Variants in POTEG observed in about 807,000 individuals in gnomAD.
The protein encoded by POTEG is POTE ankyrin domain family member G, also known as ANKRD26-like family C member 2.
Under a neutral mutation model 49.6 loss-of-function variants are expected in POTEG, and 2 were observed. The ratio of observed to expected loss-of-function variants is 0.04; its 90% CI spans 0.02 to 0.13. POTEG has a LOEUF of 0.13. POTEG is among the 10% of genes least tolerant of loss of function. POTEG has a pLI of 1.00. For missense variants in POTEG, 26 were observed against 545.2 expected (o/e 0.05, Z 9.48); for synonymous variants, 7 against 186.6 (o/e 0.04, Z 7.84).
At chr14:19,426,941 G>T (rs1883978046) in intron 3 of POTEG, 1 of 375,956 alleles carries the variant, frequency 2.7e-6, no homozygotes, top group African/African-American at 2.2e-5. Flanking sequence ...GCAGTGAGCT[G>T]TGATCACACC....
intron 1 of POTEG, among the ~76,000 whole-genome samples, chr14:19,432,315 T>G (rs1400401962): frequency 5.5e-4 from 44 of 80,628 alleles, no homozygotes; most frequent in African/African-American, 2.1e-3. Flanking sequence ...ACCACTGCAC[T>G]CCAGCCTGGG....
At chr14:19,415,520 G>A (rs1326915829) in intron 7 of POTEG, among the ~76,000 whole-genome samples, 80 of 148,060 alleles carry the variant, frequency 5.4e-4, no homozygotes, top group Middle Eastern at 3.5e-3. Context: ...GACCATCAGT[G>A]TTACATTGTT....
At chr14:19,416,791 ATTTAT>A (rs1883589715) in intron 6 of POTEG, among the ~76,000 whole-genome samples, 1 of 7,644 alleles carries the variant, frequency 1.3e-4, no homozygotes, top group African/African-American at 5.9e-4. Flanking sequence ...ATTCTGACAA[ATTTAT>A]TTTAATTTTT....
Position 19,432,341 on chromosome 14 carries a change from C to T in POTEG, c.521+1428G>A, listed in dbSNP as rs1246895843. On this transcript the variant is annotated intron_variant, in intron 1 of 10. Coordinates refer to ENST00000547848, the MANE Select transcript of POTEG (RefSeq NM_001005356.3). Reference sequence around the variant, plus strand: ...CCAGCCTGGGCAACAGAGTGAGACTCCATCAAAAAAAAAAAAGAAATTTTG... The same window carrying T: ...CCAGCCTGGGCAACAGAGTGAGACTTCATCAAAAAAAAAAAAGAAATTTTG... Among the ~76,000 whole-genome samples, 6 of 52,964 alleles carry T rather than the reference C, an allele frequency of 1.1e-4. No individual in the cohort carries two copies. The South Asian group carries it at 3.4e-3, about 30-fold the overall frequency. 34.7% of individuals were successfully genotyped at this position (52,964 alleles called of 152,430 possible).
At chr14:19,414,378 A>C (rs1883464030) in intron 8 of POTEG, among the ~76,000 whole-genome samples, 184 bp downstream of exon 8, 1 of 146,386 alleles carries the variant, frequency 6.8e-6, no homozygotes, top group African/African-American at 2.5e-5. Context: ...ATGAAAGAAT[A>C]TCTCTAGGGT....
intron 7 of POTEG, among the ~76,000 whole-genome samples, chr14:19,415,861 T>C (rs1883541255): frequency 1.3e-5 from 1 of 75,200 alleles, no homozygotes; most frequent in Non-Finnish European, 3.0e-5. Flanking sequence ...TTTTTTTTTT[T>C]TTGACACAGA....
At chr14:19,418,975 G>A (rs1487170169) in intron 6 of POTEG, among the ~76,000 whole-genome samples, 1 of 100,572 alleles carries the variant, frequency 9.9e-6, no homozygotes, top group Non-Finnish European at 1.9e-5. Context: ...AAAAAATTAA[G>A]CTAAACAAAT....
At chr14:19,431,284 T>C (rs1468893954) in intron 1 of POTEG, among the ~76,000 whole-genome samples, 2 of 152,402 alleles carry the variant, frequency 1.3e-5, no homozygotes, top group African/African-American at 4.8e-5. Flanking sequence ...CATATCTCTA[T>C]GTACTGACAC....
At position 19,424,620 on chromosome 14, in the gene POTEG, C is replaced by T. The variant is rs1347630755; in HGVS notation, c.918-318G>A. 6.5e-5 allele frequency: 6 copies of T among 91,938 alleles called. 1 individual carries two copies. The highest frequency in any genetic ancestry group is 6.4e-4 in the Admixed American group (5 of 7,752). The allele number at this position is 91,938 out of a possible 1,614,324, so 5.7% of individuals were successfully genotyped here. A position where few individuals can be genotyped will look rare whatever the true frequency, so the allele number is the denominator to read the frequency against. ...AAAGATTTAAGTGAAGATTTCATCA[C>T]AGCTTCCCTAGACTGATATGCTGTA... On this transcript the variant is annotated intron_variant, in intron 4 of 10. Transcript: ENST00000547848.
At chr14:19,423,268 C>CACCCCTCTGACCCTTTGGA (rs1883808441) in intron 5 of POTEG, 2 of 32,118 alleles carry the variant, frequency 6.2e-5, no homozygotes, top group Admixed American at 3.3e-4. Flanking sequence ...CTCTTTCTGC[C>CACCCCTCTGACCCTTTGGA]ACCCCTCTGA....
chr14:19,414,244 T>A (rs202119430), intron 8 of POTEG, among the ~76,000 whole-genome samples: 8,860 of 126,738 alleles, frequency 0.07, 13 homozygotes, highest in East Asian at 0.12. Flanking sequence ...AAAAATTATC[T>A]ACTTTAGCCA....
intron 7 of POTEG, among the ~76,000 whole-genome samples, chr14:19,415,936 C>A (rs1225012108): frequency 6.9e-6 from 1 of 144,764 alleles, no homozygotes; most frequent in Non-Finnish European, 1.5e-5. Flanking sequence ...GCTCCACCCC[C>A]CAGGTTCATG....
chr14:19,416,307 C>A lies in POTEG; in HGVS notation c.1178G>T (p.Ser393Ile), dbSNP rs1284110487. The change falls in exon 7 of 11, where the codon AGT becomes ATT. Residue 393 changes from serine to isoleucine, a missense_variant. Ser to Ile is a moderately radical substitution (Grantham distance 142). Coordinates refer to ENST00000547848, the MANE Select transcript of POTEG (RefSeq NM_001005356.3). The stretch of plus-strand genomic sequence containing the variant: ...CCATGCCTCTGGCTGGCTATTTTCA[C>A]TTCCTTTAAGCCTTTGTGACTCTTC... The part of the protein sequence containing the change: ...SEEESQRLKG[S>I]ENSQPEEMSQ... 1 of 1,545,402 alleles carries A rather than the reference C, an allele frequency of 6.5e-7. No individual in the cohort carries two copies. The highest frequency in any genetic ancestry group is 1.2e-5 in the South Asian group (1 of 80,702).
At chr14:19,415,296 A>C (rs1161179429) in intron 7 of POTEG, among the ~76,000 whole-genome samples, 2 of 142,342 alleles carry the variant, frequency 1.4e-5, no homozygotes, top group African/African-American at 5.0e-5. Flanking sequence ...TTAGAATGTT[A>C]TTGTGTTTGT....
At chr14:19,414,943 A>G (rs1883492361) in intron 7 of POTEG, among the ~76,000 whole-genome samples, 1 of 135,758 alleles carries the variant, frequency 7.4e-6, no homozygotes, top group African/African-American at 2.6e-5. Context: ...AAATCTACCA[A>G]AAATGAATCA....
At position 19,428,646 on chromosome 14, in the gene POTEG, C is replaced by A. The variant is rs1884039835; in HGVS notation, c.706G>T (p.Asp236Tyr). ...TGTAGAGCGGTATTTCCATACTCAT[C>A]TGGAATATTCGGATCAGTGCCATGT... ...LEHGTDPNIP[D>Y]EYGNTALHYA... Residue 236 changes from aspartate to tyrosine, a missense_variant, in exon 3 of 11, where the codon GAT becomes TAT. Transcript: ENST00000547848. 7 of 1,306,416 alleles carry A rather than the reference C, an allele frequency of 5.4e-6. 2 individuals carry two copies. The highest frequency in any genetic ancestry group is 7.2e-6 in the Non-Finnish European group (7 of 977,220). 80.9% of individuals were successfully genotyped at this position (1,306,416 alleles called of 1,614,324 possible).
intron 6 of POTEG, among the ~76,000 whole-genome samples, chr14:19,419,035 T>C (rs1594275644): frequency 9.1e-6 from 1 of 109,296 alleles, no homozygotes; most frequent in African/African-American, 4.2e-5. Flanking sequence ...AAGGCCAACA[T>C]ATTAAAACGA....
chr14:19,424,984 G>C (rs1445976745), intron 4 of POTEG: 1 of 110,842 alleles, frequency 9.0e-6, no homozygotes, highest in African/African-American at 3.8e-5. Flanking sequence ...CCTACGGCTT[G>C]TCTTCATTAA....
intron 1 of POTEG, among the ~76,000 whole-genome samples, chr14:19,432,527 G>A (rs1488487729): frequency 1.0e-5 from 1 of 96,882 alleles, no homozygotes; most frequent in African/African-American, 4.3e-5. Flanking sequence ...TTTTCTTCTG[G>A]TATGTTTCTC....
Sources: gnomAD v4.1 joint callset for allele counts (sites outside exome capture counted in the v4.1 genomes callset) on GRCh38, gnomAD v4.1.1 for gene constraint, MANE v1.5 for transcripts, NCBI Gene and HGNC (gene_info 2026-07-23, HGNC 2026-07-21) for gene names.